The following FHIP1A variants were observed in gnomAD, a reference collection of about 807,000 sequenced individuals.
FHIP1A encodes the protein FHF complex subunit HOOK interacting protein 1A.
Under a neutral mutation model 88.6 loss-of-function variants are expected in FHIP1A, and 61 were observed. The ratio of observed to expected loss-of-function variants is 0.69; its 90% confidence interval spans 0.56 to 0.85. The LOEUF is 0.85. Among genes scored for constraint, FHIP1A ranks in the 40% least tolerant of loss-of-function variants. FHIP1A has a pLI of 0.00. For synonymous variants in FHIP1A, 478 were observed against 496.0 expected, an observed-to-expected ratio of 0.96 and a Z score of 0.48; for missense variants, 1,154 against 1,273.5, an observed-to-expected ratio of 0.91 and a Z score of 1.43.
intron 3 of FHIP1A, among the ~76,000 whole-genome samples, chr4:151,539,298 G>A (rs543472892): frequency 1.3e-5 from 2 of 152,182 alleles, no homozygotes; most frequent in African/African-American, 2.4e-5. Flanking sequence ...TACAGTAGAC[G>A]TGGCCAGGCA....
intron 3 of FHIP1A, among the ~76,000 whole-genome samples, chr4:151,526,335 C>T (rs930593372): frequency 3.3e-5 from 5 of 151,516 alleles, no homozygotes; most frequent in African/African-American, 4.9e-5. Context: ...TAGGGGCGGC[C>T]GGGCAGAGGC....
chr4:151,540,957 C>CCATGAGTGAGACACAG (rs1339701098), intron 3 of FHIP1A, among the ~76,000 whole-genome samples: 2 of 152,198 alleles, frequency 1.3e-5, no homozygotes, highest in Admixed American at 6.5e-5. Context: ...TGGCTCCAGT[C>CCATGAGTGAGACACAG]CATGAGTGAG....
chr4:151,569,722 A>G (rs1472918480), intron 4 of FHIP1A, among the ~76,000 whole-genome samples: 1 of 152,146 alleles, frequency 6.6e-6, no homozygotes, highest in Non-Finnish European at 1.5e-5. Context: ...GCAAACATTG[A>G]TGGAGGAGAT....
chr4:151,458,820 C>T (rs1729053251), intron 2 of FHIP1A, among the ~76,000 whole-genome samples: 1 of 152,094 alleles, frequency 6.6e-6, no homozygotes, highest in Non-Finnish European at 1.5e-5. Flanking sequence ...TACTCACACA[C>T]CACAGAGTCG....
intron 1 of FHIP1A, among the ~76,000 whole-genome samples, chr4:151,452,955 TAC>T (rs374067458): frequency 1.7e-4 from 25 of 147,846 alleles, no homozygotes; most frequent in African/African-American, 2.3e-4. Flanking sequence ...TATATATACA[TAC>T]ACACACACAC....
rs1311715301 is a variant in FHIP1A, at chr4:151,650,368, C to T, written c.2327C>T (p.Thr776Ile). ...GGCTTGATGGAACAGAATTACCCCACACCTGATCCCTTGCTTCTCACTAAG... is the reference window on the plus strand; with the variant it reads ...GGCTTGATGGAACAGAATTACCCCATACCTGATCCCTTGCTTCTCACTAAG... ...AEGLMEQNYP[T>I]PDPLLLTKEE... The change falls in exon 11 of 14, where the codon ACA (threonine) becomes ATA (isoleucine). Residue 776 changes from threonine to isoleucine, a missense_variant. Thr to Ile is a moderately conservative substitution (Grantham distance 89). Coordinates refer to ENST00000435205, the MANE Select transcript of FHIP1A (RefSeq NM_001109977.3). 2 of 1,551,592 alleles carry T rather than the reference C, an allele frequency of 1.3e-6. No homozygotes were observed. Among genetic ancestry groups the T allele is most frequent in the East Asian group, 4.9e-5 (2 of 40,920 alleles).
chr4:151,506,485 G>A (rs1348145612), intron 3 of FHIP1A, among the ~76,000 whole-genome samples: 4 of 152,192 alleles, frequency 2.6e-5, no homozygotes, highest in Admixed American at 1.3e-4. Context: ...AATAAGCATG[G>A]CACCAGCATC....
At chr4:151,430,088 C>T (rs776988050) in intron 1 of FHIP1A, among the ~76,000 whole-genome samples, 4 of 152,154 alleles carry the variant, frequency 2.6e-5, no homozygotes, top group African/African-American at 9.7e-5. Context: ...TAATGCTCCT[C>T]TGGATGTGTG....
intron 2 of FHIP1A, among the ~76,000 whole-genome samples, chr4:151,466,021 TAGAA>T (rs1371751152): frequency 2.0e-5 from 3 of 151,974 alleles, no homozygotes; most frequent in Non-Finnish European, 4.4e-5. Context: ...GGTATTCATA[TAGAA>T]AGAGAGGAAG....
At chr4:151,472,333 T>G (rs753064954) in intron 2 of FHIP1A, among the ~76,000 whole-genome samples, 3 of 152,102 alleles carry the variant, frequency 2.0e-5, no homozygotes, top group African/African-American at 7.2e-5. Context: ...AAATTTGAGA[T>G]AAAATTCACA....
In FHIP1A at chr4:151,562,509, A is replaced by G. The variant is rs372353303; in HGVS notation, c.-122-3629A>G. 1.3e-4 allele frequency among the ~76,000 whole-genome samples: 20 copies of G among 152,334 alleles called. 1 individual carries two copies. Among genetic ancestry groups the G allele is most frequent in the African/African-American group, 4.6e-4 (19 of 41,576 alleles). On this transcript the variant is annotated intron_variant, in intron 3 of 13. Transcript: ENST00000435205. ...TGGTTCATTCCCATTAGGCCTGCCA[A>G]TATAATCACTTTTCCTTCAATAAAA...
In FHIP1A at chr4:151,577,487, A is replaced by T; in HGVS notation, c.143A>T (p.Asn48Ile). 1 of 1,545,992 alleles carries T rather than the reference A, an allele frequency of 6.5e-7. No homozygotes were observed. The highest frequency in any genetic ancestry group is 1.7e-4 in the Middle Eastern group (1 of 5,960). ...KILEKHDPLK[N>I]TQAKYGSIPP... ...TTGGAGAAGCACGACCCCTTGAAGA[A>T]CACCCAGGCAAAATATGGGTCTATC... The change falls in exon 5 of 14, where the codon AAC becomes ATC. Residue 48 changes from asparagine (N) to isoleucine (I), a missense_variant. Asn to Ile is a moderately radical substitution (Grantham distance 149). Coordinates refer to ENST00000435205, the MANE Select transcript of FHIP1A (RefSeq NM_001109977.3).
At chr4:151,657,647 G>A (rs1347767373) in intron 13 of FHIP1A, among the ~76,000 whole-genome samples, 1 of 152,206 alleles carries the variant, frequency 6.6e-6, no homozygotes, top group African/African-American at 2.4e-5. Context: ...AAGCAGGAAT[G>A]CCCCATATTG....
intron 3 of FHIP1A, among the ~76,000 whole-genome samples, chr4:151,497,800 G>T (rs137901032): frequency 6.6e-6 from 1 of 152,194 alleles, no homozygotes; most frequent in South Asian, 2.1e-4. Context: ...CCCTCTTCTC[G>T]ACTCAGCCAT....
At chr4:151,472,532 A>G (rs1469094262) in intron 2 of FHIP1A, among the ~76,000 whole-genome samples, 2 of 152,014 alleles carry the variant, frequency 1.3e-5, no homozygotes, top group Admixed American at 6.6e-5. Flanking sequence ...ACACGTTACA[A>G]GGTGCCCTGT....
intron 7 of FHIP1A, 77 bp from the exon 8 acceptor site, chr4:151,629,625 G>T: frequency 6.7e-6 from 9 of 1,348,450 alleles, no homozygotes; most frequent in Non-Finnish European, 9.1e-6. Flanking sequence ...CTGTGGTGAG[G>T]CTGGGGGCCA....
At chr4:151,563,550 G>A (rs569599190) in intron 3 of FHIP1A, among the ~76,000 whole-genome samples, 74 of 152,288 alleles carry the variant, frequency 4.9e-4, no homozygotes, top group Non-Finnish European at 7.1e-4. Context: ...AACGTCTGAT[G>A]ATGCCATATT....
At position 151,588,945 on chromosome 4, in the gene FHIP1A, T is replaced by G. The variant is rs1734322947; in HGVS notation, c.978+19T>G. 2 of 1,447,254 alleles carry G rather than the reference T, an allele frequency of 1.4e-6. No homozygotes were observed. The highest frequency in any genetic ancestry group is 1.2e-5 in the South Asian group (1 of 81,862). The allele number at this position is 1,447,254 out of a possible 1,614,324, so 89.7% of individuals were successfully genotyped here. ...CCATAAGGTCAGTGATTGGCTCATG[T>G]AATCTTCTGTCTCTATAATACAAGT... On this transcript the variant is annotated intron_variant, in intron 7 of 13. Coordinates refer to ENST00000435205, the MANE Select transcript of FHIP1A (RefSeq NM_001109977.3).
intron 3 of FHIP1A, among the ~76,000 whole-genome samples, chr4:151,517,113 T>C (rs1030362240): frequency 4.6e-5 from 7 of 152,204 alleles, no homozygotes; most frequent in Admixed American, 3.9e-4. Context: ...CATGGAATAC[T>C]ATGCAGCCAT....
Sources: allele counts gnomAD v4.1 joint callset (sites outside exome capture counted in the v4.1 genomes callset), GRCh38; gene constraint gnomAD v4.1.1; transcripts MANE v1.5; gene names NCBI Gene and HGNC (gene_info 2026-07-23, HGNC 2026-07-21).